The following ALAD variants were observed in gnomAD, a reference collection of about 807,000 sequenced individuals.
The protein encoded by ALAD is aminolevulinate dehydratase.
Under a neutral mutation model 44.4 loss-of-function variants are expected in ALAD, and 20 were observed. The observed-to-expected ratio is 0.45, with a 90% CI of 0.32 to 0.65. The LOEUF is 0.65. Ranked by LOEUF, ALAD falls within the 30% of genes least tolerant of loss-of-function variation. ALAD has a pLI of 0.05. For synonymous variants in ALAD, 156 were observed against 167.9 expected (o/e 0.93, Z 0.55); for missense variants, 323 against 445.7 (o/e 0.72, Z 2.48).
intron 1 of ALAD, among the ~76,000 whole-genome samples, chr9:113,393,947 CTT>C (rs1281509406): frequency 1.3e-4 from 19 of 142,912 alleles, no homozygotes; most frequent in South Asian, 4.5e-4. Context: ...AAATTCTCTT[CTT>C]TTTTTTTTTT....
chr9:113,389,126 G>A lies in ALAD; in HGVS notation c.802-20C>T. ...AGGGTGCTGCAGGGAAGCAGACAGG[G>A]AGACAGGCTGAAATGGAGGGTGGAT... On this transcript the variant is annotated intron_variant, in intron 10 of 11. Coordinates refer to ENST00000409155, the MANE Select transcript of ALAD (RefSeq NM_000031.6). 3 of 1,613,822 alleles carry A rather than the reference G, an allele frequency of 1.9e-6. No homozygotes were observed. Among genetic ancestry groups the A allele is most frequent in the South Asian group, 1.1e-5 (1 of 91,062 alleles).
At chr9:113,392,865 T>G (rs1001131617) in intron 2 of ALAD, among the ~76,000 whole-genome samples, 3 of 141,912 alleles carry the variant, frequency 2.1e-5, no homozygotes, top group Admixed American at 7.8e-5. Context: ...TCGCCCAGGC[T>G]GGAGTGAAGT....
At chr9:113,400,281 A>G (rs1827822415) in intron 1 of ALAD, among the ~76,000 whole-genome samples, 2 of 152,184 alleles carry the variant, frequency 1.3e-5, no homozygotes. Context: ...AGTGCCCACC[A>G]TGACACCTCC....
intron 10 of ALAD, 135 bp downstream of exon 10, chr9:113,389,303 G>A: frequency 6.8e-6 from 9 of 1,319,868 alleles, no homozygotes; most frequent in South Asian, 1.3e-5. Flanking sequence ...AGAAGGCCAC[G>A]ATGGTTCCTG....
At chr9:113,389,362 A>C (rs746630764) in intron 10 of ALAD, 76 bp downstream of exon 10, 7 of 1,557,428 alleles carry the variant, frequency 4.5e-6, no homozygotes, top group Non-Finnish European at 6.2e-6. Flanking sequence ...AACTGCTTCC[A>C]ACTCTGAGAT....
intron 4 of ALAD, 100 bp from the exon 5 acceptor site, chr9:113,391,033 TTCA>T (rs1210195815): frequency 1.3e-6 from 2 of 1,496,074 alleles, no homozygotes. Flanking sequence ...TTCTCCTTCC[TTCA>T]TCATCACAGC....
At chr9:113,400,505 G>A (rs1827825866) in intron 1 of ALAD, among the ~76,000 whole-genome samples, 1 of 152,140 alleles carries the variant, frequency 6.6e-6, no homozygotes, top group African/African-American at 2.4e-5. Context: ...GACTAGAACC[G>A]ACCTCAATGG....
intron 1 of ALAD, chr9:113,397,035 C>A (rs1262742525): frequency 6.6e-6 from 1 of 152,236 alleles, no homozygotes. Flanking sequence ...CAGAGAGGGG[C>A]AAGGACTTAC....
At chr9:113,394,870 A>G (rs818681) in intron 1 of ALAD, among the ~76,000 whole-genome samples, 57,099 of 151,920 alleles carry the variant, frequency 0.38, 11,312 homozygotes, top group African/African-American at 0.47. Flanking sequence ...TGGCCAACAC[A>G]GTTAAACCCC....
Position 113,399,712 on chromosome 9 carries a change from T to C in ALAD, c.-76+1500A>G, listed in dbSNP as rs142341485. ...ACTGCTACCAGGAGGGGCTATGAGC[T>C]TCATGTGCCACCCCCCACCCCTGCA... On this transcript the variant is annotated intron_variant, in intron 1 of 11. Transcript: ENST00000409155. Among the ~76,000 whole-genome samples the C allele has an allele frequency of 3.5e-3, 526 of 152,268 alleles. 1 individual carries two copies. The highest frequency in any genetic ancestry group is 0.012 in the African/African-American group (488 of 41,560).
chr9:113,399,903 C>T (rs973772595), intron 1 of ALAD, among the ~76,000 whole-genome samples: 16 of 152,166 alleles, frequency 1.1e-4, no homozygotes, highest in African/African-American at 3.6e-4. Flanking sequence ...CCACAAAGGC[C>T]CAGGAGAGCA....
Position 113,399,638 on chromosome 9 carries a change from T to C in ALAD, c.-76+1574A>G, listed in dbSNP as rs184688632. 6.6e-5 allele frequency among the ~76,000 whole-genome samples: 10 copies of C among 152,292 alleles called. No homozygotes were observed. The East Asian group carries it at 1.9e-3, about 29-fold the overall frequency. ...TTTAATATGAAAGTATCTCCTCCCA[T>C]GGAAGGCAACATCCCCAAACTGGGA... On this transcript the variant is annotated intron_variant, in intron 1 of 11. Transcript: ENST00000409155.
At chr9:113,395,156 G>C (rs1827693315) in intron 1 of ALAD, among the ~76,000 whole-genome samples, 1 of 152,178 alleles carries the variant, frequency 6.6e-6, no homozygotes, top group Non-Finnish European at 1.5e-5. Context: ...ATTCATGTTA[G>C]ATAGACAGAC....
rs1045564633 is a variant in ALAD, at chr9:113,386,948, C to G, written c.*1352G>C. 1 of 152,334 alleles carries G rather than the reference C, an allele frequency of 6.6e-6. No individual in the cohort carries two copies. Among genetic ancestry groups the G allele is most frequent in the African/African-American group, 2.4e-5 (1 of 41,468 alleles). The allele number at this position is 152,334 out of a possible 1,614,324, so 9.4% of individuals were successfully genotyped here. ...TCTACCTTCTAAACACATCCACAAT[C>G]CATTCCCCTTTCTCCATCCCCACTG... On this transcript the variant is annotated 3_prime_UTR_variant, in exon 12 of 12. Coordinates refer to ENST00000409155, the MANE Select transcript of ALAD (RefSeq NM_000031.6).
At chr9:113,392,975 G>A (rs912310226) in intron 2 of ALAD, among the ~76,000 whole-genome samples, 2 of 151,968 alleles carry the variant, frequency 1.3e-5, no homozygotes, top group South Asian at 2.1e-4. Flanking sequence ...CCGCCACCAC[G>A]CCTGGCTAAT....
rs949973327 is a variant in ALAD at position 113,392,020 on chromosome 9, C to T, written c.164+99G>A. 5 of 1,198,238 alleles carry T rather than the reference C, an allele frequency of 4.2e-6. No homozygotes were observed. In the Admixed American group the frequency reaches 7.9e-5, roughly 19 times the overall value. 74.2% of individuals were successfully genotyped at this position (1,198,238 alleles called of 1,614,324 possible). ...TACTGAGCTAATGTCTGTCTGTCCG[C>T]ATCTTCTACTTCCTAGGTCTGCTTC... On this transcript the variant is annotated intron_variant, in intron 3 of 11. Transcript: ENST00000409155.
Position 113,388,112 on chromosome 9 carries a change from A to G in ALAD, c.*188T>C. The G allele has an allele frequency of 1.5e-6, 1 of 657,900 alleles. No homozygotes were observed. The highest frequency in any genetic ancestry group is 2.8e-5 in the East Asian group (1 of 35,960). The allele number at this position is 657,900 out of a possible 1,614,324, so 40.8% of individuals were successfully genotyped here. A position where few individuals can be genotyped will look rare whatever the true frequency, so the allele number is the denominator to read the frequency against. ...GGGGAAGCTTGGGAGAGCTCATAGG[A>G]TGCAGCTGCGAGTTACAAGAGTTAG... On this transcript the variant is annotated 3_prime_UTR_variant, in exon 12 of 12. Coordinates refer to ENST00000409155, the MANE Select transcript of ALAD (RefSeq NM_000031.6).
At chr9:113,397,627 T>C (rs1178617343) in intron 1 of ALAD, among the ~76,000 whole-genome samples, 81 of 142,532 alleles carry the variant, frequency 5.7e-4, no homozygotes, top group Non-Finnish European at 9.8e-4. Flanking sequence ...TTTCTTTTTT[T>C]TTTTTTTTTT....
intron 4 of ALAD, among the ~76,000 whole-genome samples, 160 bp downstream of exon 4, chr9:113,391,367 G>C (rs1362421671): frequency 6.6e-6 from 1 of 152,110 alleles, no homozygotes; most frequent in Non-Finnish European, 1.5e-5. Flanking sequence ...CCCACACCCA[G>C]CTAACTTTTG....
Sources: gnomAD v4.1 joint callset for allele counts (sites outside exome capture counted in the v4.1 genomes callset) on GRCh38, gnomAD v4.1.1 for gene constraint, MANE v1.5 for transcripts, NCBI Gene and HGNC (gene_info 2026-07-23, HGNC 2026-07-21) for gene names.